The following FGF16 variants were observed in gnomAD, a reference collection of about 807,000 sequenced individuals.
FGF16 encodes metacarpal 4-5 fusion.
A neutral mutation model predicts 8.5 loss-of-function variants in FGF16; 2 were observed. The ratio of observed to expected loss-of-function variants is 0.24; its 90% CI spans 0.10 to 0.75. FGF16 has a LOEUF of 0.75. FGF16 is among the 30% of genes least tolerant of loss of function. The probability of loss-of-function intolerance (pLI) is 0.74; values close to 1 mark genes in which losing one functional copy is unlikely to be tolerated. For synonymous variants in FGF16, 33 were observed against 34.6 expected, an observed-to-expected ratio of 0.95 and a Z score of 0.16; for missense variants, 79 against 87.4, an observed-to-expected ratio of 0.90 and a Z score of 0.38.
At chrX:77,449,155 G>A (rs1252091162) in intron 1 of FGF16, among the ~76,000 whole-genome samples, 5 of 111,777 alleles carry the variant, frequency 4.5e-5, no homozygotes, top group Admixed American at 3.8e-4. Flanking sequence ...GGGCCAGTGC[G>A]GGGTAAGGCC....
At chrX:77,452,247 A>T (rs1360080717) in intron 1 of FGF16, among the ~76,000 whole-genome samples, 2 of 112,581 alleles carry the variant, frequency 1.8e-5, no homozygotes, top group Admixed American at 9.4e-5. Flanking sequence ...GTCTTCTAGA[A>T]CTAGGATAAG....
In FGF16 at chrX:77,454,201, C is replaced by T. The variant is rs188208804; in HGVS notation, c.319C>T (p.Arg107Trp). ...CCTGGCTGTGGGGCTGATCAGCATC[C>T]GGGGAGTGGACTCTGGCCTGTACCT... ...ISLAVGLISI[R>W]GVDSGLYLGM... Residue 107 changes from arginine to tryptophan, a missense_variant, in exon 2 of 3, where the codon CGG (arginine) becomes TGG (tryptophan). Transcript: ENST00000439435. The T allele has an allele frequency of 8.0e-6, 9 of 1,118,950 alleles. No homozygotes were observed. Among genetic ancestry groups the T allele is most frequent in the East Asian group, 3.8e-5 (1 of 26,337 alleles). The allele number at this position is 1,118,950 out of a possible 1,213,427, so 92.2% of individuals were successfully genotyped here.
Position 77,454,143 on chromosome X carries a change from A to G in FGF16, c.275-14A>G. ...GATGCTGGTAATGGGAATAGTGTTC[A>G]CTTTTTGCCCTAGGAATCCTGGAGT... is the stretch of plus-strand genomic sequence containing the variant. On this transcript the variant is annotated splice_polypyrimidine_tract_variant and intron_variant, in intron 1 of 2. Transcript: ENST00000439435. 1 of 1,119,394 alleles carries G rather than the reference A, an allele frequency of 8.9e-7. No homozygotes were observed. The allele number at this position is 1,119,394 out of a possible 1,213,427, so 92.3% of individuals were successfully genotyped here.
chrX:77,454,162 C>T lies in FGF16; in HGVS notation c.280C>T (p.Leu94=), dbSNP rs2062565256. Residue 94 remains leucine (L), a synonymous_variant, in exon 2 of 3, where the codon CTG becomes TTG. Transcript: ENST00000439435. ...GTGTTCACTTTTTGCCCTAGGAATC[C>T]TGGAGTTTATCAGCCTGGCTGTGGG... The part of the protein sequence containing the change: ...TRHDHSRFGI[L]EFISLAVGLI... 8.4e-7 allele frequency: 1 copy of T among 1,184,314 alleles called. No individual in the cohort carries two copies. Among genetic ancestry groups the T allele is most frequent in the Non-Finnish European group, 1.1e-6 (1 of 876,059 alleles).
At chrX:77,454,374 G>A in intron 2 of FGF16, 114 bp downstream of exon 2, 1 of 435,734 alleles carries the variant, frequency 2.3e-6, no homozygotes, top group East Asian at 4.6e-5. Flanking sequence ...CTGGGGACCA[G>A]GCATGGTGGC....
In FGF16 at chrX:77,456,723, G is replaced by A. The variant is rs1382625886; in HGVS notation, c.*201G>A. On this transcript the variant is annotated 3_prime_UTR_variant, in exon 3 of 3. Transcript: ENST00000439435. ...GGGTTATTTTGGGGAGGGATGGGGGGCTGGGCTCGAGGGAATCTTGTATAT... is the reference window on the plus strand; with the variant it reads ...GGGTTATTTTGGGGAGGGATGGGGGACTGGGCTCGAGGGAATCTTGTATAT... 3 of 391,688 alleles carry A rather than the reference G, an allele frequency of 7.7e-6. No individual in the cohort carries two copies. The highest frequency in any genetic ancestry group is 7.6e-5 in the African/African-American group (3 of 39,397). 32.3% of individuals were successfully genotyped at this position (391,688 alleles called of 1,213,427 possible). A position where few individuals can be genotyped will look rare whatever the true frequency, so the allele number is the denominator to read the frequency against.
rs1476540873 is a variant in FGF16 at position 77,447,544 on chromosome X, G to GGAGC, written c.-130_-127dup. The GGAGC allele has an allele frequency of 4.3e-4, 123 of 284,130 alleles. No homozygotes were observed. Among genetic ancestry groups the GGAGC allele is most frequent in the Non-Finnish European group, 6.9e-4 (112 of 162,429 alleles). The allele number at this position is 284,130 out of a possible 1,213,427, so 23.4% of individuals were successfully genotyped here. On this transcript the variant is annotated 5_prime_UTR_variant, in exon 1 of 3. Transcript: ENST00000439435. ...CGTCGACTGCAGCTCGGCAGAGCGC[G>GGAGC]GAGCAAGCGAGCTAGCGAGGGAGCG...
intron 1 of FGF16, 53 bp from the exon 2 acceptor site, chrX:77,454,104 C>A: frequency 1.2e-6 from 1 of 830,526 alleles, no homozygotes. Context: ...ACCTGAACAG[C>A]TTTCTCTTAG....
chrX:77,457,051 A>C lies in FGF16; in HGVS notation c.*529A>C, dbSNP rs1264998948. ...AGTGGGAGATGGGGTAGGTTGTAAG[A>C]AAATGATATTAAAATGTAAGCATGG... On this transcript the variant is annotated 3_prime_UTR_variant, in exon 3 of 3. Coordinates refer to ENST00000439435, the MANE Select transcript of FGF16 (RefSeq NM_003868.3). 1 of 112,592 alleles carries C rather than the reference A, an allele frequency of 8.9e-6. No individual in the cohort carries two copies. Among genetic ancestry groups the C allele is most frequent in the African/African-American group, 3.2e-5 (1 of 30,912 alleles). The allele number at this position is 112,592 out of a possible 1,213,427, so 9.3% of individuals were successfully genotyped here. A position where few individuals can be genotyped will look rare whatever the true frequency, so the allele number is the denominator to read the frequency against.
intron 1 of FGF16, among the ~76,000 whole-genome samples, chrX:77,450,538 C>T (rs1273670863): frequency 1.8e-5 from 2 of 112,643 alleles, no homozygotes; most frequent in Non-Finnish European, 3.7e-5. Context: ...AGAGTCCTCC[C>T]ACCAGGTGGG....
chrX:77,449,514 A>G (rs2062550887), intron 1 of FGF16, among the ~76,000 whole-genome samples: 1 of 111,051 alleles, frequency 9.0e-6, no homozygotes, highest in African/African-American at 3.3e-5. Flanking sequence ...CTCATTGCCG[A>G]TATGTAACCA....
At chrX:77,454,603 C>T (rs1293860026) in intron 2 of FGF16, among the ~76,000 whole-genome samples, 11 of 102,681 alleles carry the variant, frequency 1.1e-4, no homozygotes, top group African/African-American at 3.5e-4. Context: ...TGCAGTGAGC[C>T]GAGATTGCGC....
chrX:77,449,723 C>A (rs1369234948), intron 1 of FGF16, among the ~76,000 whole-genome samples: 6 of 111,362 alleles, frequency 5.4e-5, no homozygotes, highest in African/African-American at 2.0e-4. Flanking sequence ...AAAGACACAT[C>A]TTGATTTCTT....
chrX:77,454,196 G>T lies in FGF16; in HGVS notation c.314G>T (p.Ser105Ile). The change falls in exon 2 of 3, where the codon AGC (serine) becomes ATC (isoleucine). Residue 105 changes from serine (S) to isoleucine (I), a missense_variant. Transcript: ENST00000439435. ...ATCAGCCTGGCTGTGGGGCTGATCA[G>T]CATCCGGGGAGTGGACTCTGGCCTG... The part of the protein sequence containing the change: ...EFISLAVGLI[S>I]IRGVDSGLYL... The T allele has an allele frequency of 3.4e-6, 4 of 1,178,612 alleles. No homozygotes were observed. Among genetic ancestry groups the T allele is most frequent in the Non-Finnish European group, 4.6e-6 (4 of 875,126 alleles).
intron 1 of FGF16, among the ~76,000 whole-genome samples, chrX:77,450,554 G>T: frequency 8.9e-6 from 1 of 112,810 alleles, no homozygotes; most frequent in African/African-American, 3.2e-5. Context: ...GTGGGATGGA[G>T]TGGGCTCATG....
At chrX:77,452,335 T>G (rs1260324876) in intron 1 of FGF16, among the ~76,000 whole-genome samples, 2 of 112,825 alleles carry the variant, frequency 1.8e-5, no homozygotes, top group Non-Finnish European at 3.7e-5. Context: ...CGTTGTGCAG[T>G]GCAGCTGAAG....
chrX:77,452,464 A>G (rs1200910764), intron 1 of FGF16, among the ~76,000 whole-genome samples: 10 of 112,586 alleles, frequency 8.9e-5, no homozygotes, highest in African/African-American at 3.2e-4. Context: ...TGTACTGTAA[A>G]ATTTAATAGC....
Position 77,454,013 on chromosome X carries a change from A to G in FGF16, c.275-144A>G, listed in dbSNP as rs921964040. The G allele has an allele frequency of 2.7e-5, 13 of 481,543 alleles. No homozygotes were observed. The African/African-American group carries it at 3.2e-4, about 12-fold the overall frequency. 39.7% of individuals were successfully genotyped at this position (481,543 alleles called of 1,213,427 possible). ...TCTCTGAGGTTCCATTCTTGCCGCA[A>G]AAGATGGTTTCATCAGGCATTTTAT... On this transcript the variant is annotated intron_variant, in intron 1 of 2. Coordinates refer to ENST00000439435, the MANE Select transcript of FGF16 (RefSeq NM_003868.3).
rs1356538227 is a variant in FGF16 at position 77,447,501 on chromosome X, T to C, written c.-174T>C. The C allele has an allele frequency of 3.6e-6, 1 of 278,818 alleles. No homozygotes were observed. The highest frequency in any genetic ancestry group is 2.8e-5 in the African/African-American group (1 of 35,648). 23.0% of individuals were successfully genotyped at this position (278,818 alleles called of 1,213,427 possible). A position where few individuals can be genotyped will look rare whatever the true frequency, so the allele number is the denominator to read the frequency against. ...CCCGCGCTCCCCGCCACTGAGAAGT[T>C]CCTTGGACGCGAACAGACGTCGACT... On this transcript the variant is annotated 5_prime_UTR_variant, in exon 1 of 3. Coordinates refer to ENST00000439435, the MANE Select transcript of FGF16 (RefSeq NM_003868.3).
Sources: allele counts gnomAD v4.1 joint callset (sites outside exome capture counted in the v4.1 genomes callset), GRCh38; gene constraint gnomAD v4.1.1; transcripts MANE v1.5; gene names NCBI Gene and HGNC (gene_info 2026-07-23, HGNC 2026-07-21).